LIMCH1: variants seen among roughly 807,000 people sequenced by gnomAD.
The protein encoded by LIMCH1 is LIM and calponin homology domains 1.
A neutral mutation model predicts 176.5 loss-of-function variants in LIMCH1; 113 were observed. The ratio of observed to expected loss-of-function variants is 0.64; its 90% CI spans 0.55 to 0.75. The LOEUF (loss-of-function observed/expected upper bound fraction) is 0.75, where lower values mean the gene tolerates loss of function less well. Ranked by LOEUF, LIMCH1 falls within the 30% of genes least tolerant of loss-of-function variation. LIMCH1 has a pLI of 0.00. For synonymous variants in LIMCH1, 619 were observed against 645.9 expected (o/e 0.96, Z 0.63); for missense variants, 1,674 against 1,814.9 (o/e 0.92, Z 1.41).
chr4:41,491,122 G>GAT (rs1436543420), intron 1 of LIMCH1, among the ~76,000 whole-genome samples: 3 of 148,760 alleles, frequency 2.0e-5, no homozygotes, highest in African/African-American at 5.0e-5. Flanking sequence ...CCTCCCAGAT[G>GAT]GGGCGGCTGG....
chr4:41,564,204 A>G (rs1034159170), intron 1 of LIMCH1, among the ~76,000 whole-genome samples: 2 of 152,194 alleles, frequency 1.3e-5, no homozygotes, highest in African/African-American at 4.8e-5. Flanking sequence ...ACAGATGAGG[A>G]AAGGAGCATG....
intron 2 of LIMCH1, among the ~76,000 whole-genome samples, chr4:41,499,835 C>A (rs2072926122): frequency 6.6e-6 from 1 of 152,102 alleles, no homozygotes; most frequent in South Asian, 2.1e-4. Context: ...AAAAAAAAAT[C>A]TAAGATCTAA....
intron 31 of LIMCH1, 59 bp from the exon 32 acceptor site, chr4:41,697,101 G>A: frequency 1.3e-6 from 2 of 1,594,140 alleles, no homozygotes; most frequent in Non-Finnish European, 1.7e-6. Flanking sequence ...GTTTTAAAAT[G>A]TCTGAAGCGA....
intron 9 of LIMCH1, 45 bp from the exon 10 acceptor site, chr4:41,631,103 A>T: frequency 3.8e-6 from 5 of 1,312,066 alleles, no homozygotes; most frequent in Non-Finnish European, 5.0e-6. Flanking sequence ...CCTCTTATTG[A>T]TTTGTACTCA....
Position 41,478,103 on chromosome 4 carries a change from T to G in LIMCH1, c.97-16433T>G, listed in dbSNP as rs569541421. Among the ~76,000 whole-genome samples, 3 of 152,366 alleles carry G rather than the reference T, an allele frequency of 2.0e-5. No individual in the cohort carries two copies. In the East Asian group the frequency reaches 5.8e-4, roughly 29 times the overall value. ...AAGGGAGTTGAGCTACTGTGCAAGT[T>G]AAGCTACATTTTTCCAGTTCCCTGT... On this transcript the variant is annotated intron_variant, in intron 1 of 26. Transcript: ENST00000313860.
At chr4:41,450,746 G>C (rs1207945224) in intron 1 of LIMCH1, among the ~76,000 whole-genome samples, 2 of 130,554 alleles carry the variant, frequency 1.5e-5, no homozygotes, top group African/African-American at 6.1e-5. Flanking sequence ...AGTGAGCTGA[G>C]ATCACACCAC....
chr4:41,537,393 G>A (rs1173310531), upstream of LIMCH1, among the ~76,000 whole-genome samples: 2 of 152,158 alleles, frequency 1.3e-5, no homozygotes, highest in Admixed American at 1.3e-4. Flanking sequence ...AGCAACAGGT[G>A]GAAAATGGAT....
intron 1 of LIMCH1, among the ~76,000 whole-genome samples, chr4:41,458,773 C>CAAAAAA (rs779184137): frequency 7.5e-5 from 4 of 53,464 alleles, no homozygotes; most frequent in African/African-American, 2.5e-4. Flanking sequence ...ACTCTGTCAC[C>CAAAAAA]AAAAAAAAAA....
rs569902578 is a variant in LIMCH1, at chr4:41,658,785, T to C, written c.3037-2635T>C. On this transcript the variant is annotated intron_variant, in intron 18 of 31. Transcript: ENST00000503057. ...TGTTCATTTCTTTGTTCATTTTTGGTCTGGTGAGGCTTTGGCCCTGTTGTG... is the reference window on the plus strand; with the variant it reads ...TGTTCATTTCTTTGTTCATTTTTGGCCTGGTGAGGCTTTGGCCCTGTTGTG... Among the ~76,000 whole-genome samples the C allele has an allele frequency of 3.3e-5, 5 of 152,336 alleles. No homozygotes were observed. In the South Asian group the frequency reaches 1.0e-3, roughly 32 times the overall value.
At chr4:41,547,863 GTA>G (rs573342962) in intron 1 of LIMCH1, among the ~76,000 whole-genome samples, 4,711 of 93,152 alleles carry the variant, frequency 0.051, 87 homozygotes, top group South Asian at 0.14. Context: ...TTGTGTGTGT[GTA>G]TATATATATA....
chr4:41,609,258 A>G (rs1044433638), intron 4 of LIMCH1, among the ~76,000 whole-genome samples: 1 of 143,184 alleles, frequency 7.0e-6, no homozygotes, highest in Non-Finnish European at 1.5e-5. Flanking sequence ...TTTTTTTTTC[A>G]TGATACTTAT....
chr4:41,662,457 G>T (rs1185199962), intron 19 of LIMCH1, among the ~76,000 whole-genome samples: 1 of 152,186 alleles, frequency 6.6e-6, no homozygotes, highest in Non-Finnish European at 1.5e-5. Flanking sequence ...CATTCACTGG[G>T]ATAGAAACTA....
intron 3 of LIMCH1, among the ~76,000 whole-genome samples, chr4:41,605,129 C>T (rs1377827864): frequency 6.6e-6 from 1 of 152,148 alleles, no homozygotes; most frequent in Non-Finnish European, 1.5e-5. Flanking sequence ...AGAGGATTTG[C>T]TTTTGTGGAC....
intron 2 of LIMCH1, among the ~76,000 whole-genome samples, chr4:41,504,366 C>T (rs1296554408): frequency 6.6e-6 from 1 of 152,212 alleles, no homozygotes; most frequent in East Asian, 1.9e-4. Context: ...TGGAGCTGTT[C>T]AAACATCCTA....
chr4:41,643,393 G>T (rs2093919298), intron 14 of LIMCH1, among the ~76,000 whole-genome samples: 1 of 152,102 alleles, frequency 6.6e-6, no homozygotes, highest in African/African-American at 2.4e-5. Flanking sequence ...ACTTAACAGT[G>T]AGCTTTTAAG....
chr4:41,378,857 T>C (rs2055188920), intron 1 of LIMCH1, among the ~76,000 whole-genome samples: 1 of 152,136 alleles, frequency 6.6e-6, no homozygotes, highest in Non-Finnish European at 1.5e-5. Flanking sequence ...TTGGACATAT[T>C]AGAAGGCCTT....
At chr4:41,497,728 C>A (rs1471686134) in intron 2 of LIMCH1, among the ~76,000 whole-genome samples, 1 of 151,408 alleles carries the variant, frequency 6.6e-6, no homozygotes, top group Non-Finnish European at 1.5e-5. Flanking sequence ...TTGCTTGAAC[C>A]TGGGAGGCGG....
At chr4:41,471,497 GC>G (rs1453062974) in intron 1 of LIMCH1, among the ~76,000 whole-genome samples, 1 of 152,200 alleles carries the variant, frequency 6.6e-6, no homozygotes, top group Non-Finnish European at 1.5e-5. Context: ...TGGAGGCCCT[GC>G]TGCCCCACGT....
intron 28 of LIMCH1, among the ~76,000 whole-genome samples, chr4:41,687,267 T>C (rs1721582226): frequency 6.6e-6 from 1 of 152,236 alleles, no homozygotes; most frequent in Non-Finnish European, 1.5e-5. Context: ...AGCTGGGGGC[T>C]ATTCTGACTT....
Sources: gnomAD v4.1 joint callset for allele counts (sites outside exome capture counted in the v4.1 genomes callset) on GRCh38, gnomAD v4.1.1 for gene constraint, MANE v1.5 for transcripts, NCBI Gene and HGNC (gene_info 2026-07-23, HGNC 2026-07-21) for gene names.